Variants in TTC31 observed in about 807,000 individuals in gnomAD.
TTC31 encodes the protein tetratricopeptide repeat domain 31.
Under a neutral mutation model 60.4 loss-of-function variants are expected in TTC31, and 59 were observed. That is an observed-to-expected ratio of 0.98 (90% confidence interval 0.79 to 1.21). TTC31 has a LOEUF of 1.21. TTC31 is among the 50% of genes most tolerant of loss of function. The probability of loss-of-function intolerance (pLI) is 0.00; values close to 1 mark genes in which losing one functional copy is unlikely to be tolerated. For synonymous variants in TTC31, 225 were observed against 249.6 expected (o/e 0.90, Z 0.93); for missense variants, 672 against 646.9 (o/e 1.04, Z -0.42).
At chr2:74,483,243 G>C in intron 1 of TTC31, 79 bp from the exon 2 acceptor site, 1 of 1,613,152 alleles carries the variant, frequency 6.2e-7, no homozygotes, top group South Asian at 1.1e-5. Flanking sequence ...AGAGGGCGGA[G>C]AGTCGAGGGT....
Position 74,493,179 on chromosome 2 carries a change from C to A in TTC31, c.1521C>A (p.Ile507=). The change falls in exon 13 of 13, where the codon ATC becomes ATA. Residue 507 remains isoleucine (I), a synonymous_variant. Coordinates refer to ENST00000233623, the MANE Select transcript of TTC31 (RefSeq NM_022492.6). The stretch of plus-strand genomic sequence containing the variant: ...AGGACCCTTCAAAGGGCTGGGACAT[C>A]CTGGGACTTGGGCTCCAGCATCTGT... ...KPQDPSKGWD[I]LGLGLQHLSQ... 6.2e-7 allele frequency: 1 copy of A among 1,614,226 alleles called. No individual in the cohort carries two copies. Among genetic ancestry groups the A allele is most frequent in the Non-Finnish European group, 8.5e-7 (1 of 1,180,028 alleles).
rs1303520104 is a variant in TTC31, at chr2:74,490,572, C to T, written c.463-84C>T. The T allele has an allele frequency of 9.7e-6, 15 of 1,545,304 alleles. No homozygotes were observed. In the South Asian group the frequency reaches 1.5e-4, roughly 16 times the overall value. ...CCCCTAATTGGTACCTTTCAAGATC[C>T]TTCTATACTGCCTGCCCCCTTTCAT... On this transcript the variant is annotated intron_variant, in intron 4 of 12. Transcript: ENST00000233623.
At position 74,483,131 on chromosome 2, in the gene TTC31, G is replaced by A; in HGVS notation, c.36G>A (p.Lys12=). 6.2e-7 allele frequency: 1 copy of A among 1,614,248 alleles called. No individual in the cohort carries two copies. The highest frequency in any genetic ancestry group is 1.3e-5 in the African/African-American group (1 of 75,076). The change falls in exon 1 of 13, where the codon AAG becomes AAA. Residue 12 remains lysine (K), a synonymous_variant. Transcript: ENST00000233623. The part of the protein sequence containing the change: ...APIPKTVGRI[K]LDCSLRPSCP... ...TTCCAAAGACTGTGGGGCGGATCAAGCTAGGTGAGCGGTATGACAAGACCA... is the reference window on the plus strand; with the variant it reads ...TTCCAAAGACTGTGGGGCGGATCAAACTAGGTGAGCGGTATGACAAGACCA...
rs1207740817 is a variant in TTC31, at chr2:74,483,328, C to T, written c.47C>T (p.Ser16Phe). 3 of 1,614,188 alleles carry T rather than the reference C, an allele frequency of 1.9e-6. No individual in the cohort carries two copies. The highest frequency in any genetic ancestry group is 2.5e-6 in the Non-Finnish European group (3 of 1,180,050). The stretch of plus-strand genomic sequence containing the variant: ...CCGCCTTCCTTTCCTGTAGACTGCT[C>T]TCTACGGCCCAGCTGCCCACTGGAG... ...KTVGRIKLDCSLRPSCPLEVA... is the reference protein window; with the variant it reads ...KTVGRIKLDCFLRPSCPLEVA... Residue 16 changes from serine to phenylalanine, a missense_variant, in exon 2 of 13, where the codon TCT (serine) becomes TTT (phenylalanine). Physicochemically the swap from Ser to Phe is radical, Grantham distance 155 (BLOSUM62 -2). Transcript: ENST00000233623.
Position 74,493,324 on chromosome 2 carries a change from C to T in TTC31, c.*106C>T. 1 of 1,191,570 alleles carries T rather than the reference C, an allele frequency of 8.4e-7. No individual in the cohort carries two copies. 73.8% of individuals were successfully genotyped at this position (1,191,570 alleles called of 1,614,324 possible). A position where few individuals can be genotyped will look rare whatever the true frequency, so the allele number is the denominator to read the frequency against. ...ATTTTGAGACCTTATTCTCTAGATC[C>T]ATAGTTAATGATGCCCTGGCAGTCA... On this transcript the variant is annotated 3_prime_UTR_variant, in exon 13 of 13. Transcript: ENST00000233623.
chr2:74,488,890 C>T (rs58800227), intron 2 of TTC31, among the ~76,000 whole-genome samples: 2,138 of 152,238 alleles, frequency 0.014, 47 homozygotes, highest in African/African-American at 0.047. Context: ...ATGGTGAAAC[C>T]GCCTCTCTAC....
Position 74,493,144 on chromosome 2 carries a change from C to T in TTC31, c.1486C>T (p.Leu496Phe), listed in dbSNP as rs1466255076. ...SQTQSRRPHP[L>F]KPQDPSKGWD... The stretch of plus-strand genomic sequence containing the variant: ...GACTCAGAGTAGAAGGCCCCATCCT[C>T]TCAAGCCCCAGGACCCTTCAAAGGG... Residue 496 changes from leucine to phenylalanine, a missense_variant, in exon 13 of 13, where the codon CTC becomes TTC. Coordinates refer to ENST00000233623, the MANE Select transcript of TTC31 (RefSeq NM_022492.6). The T allele has an allele frequency of 6.2e-7, 1 of 1,614,092 alleles. No homozygotes were observed. The highest frequency in any genetic ancestry group is 1.3e-5 in the African/African-American group (1 of 74,942).
chr2:74,492,591 A>G (rs564058793), intron 11 of TTC31, 55 bp from the exon 12 acceptor site: 85 of 1,596,920 alleles, frequency 5.3e-5, no homozygotes, highest in Middle Eastern at 5.0e-4. Flanking sequence ...TAGAAAGGGT[A>G]CTTTTAAGCA....
At position 74,483,090 on chromosome 2, in the gene TTC31, G is replaced by T; in HGVS notation, c.-6G>T. On this transcript the variant is annotated 5_prime_UTR_variant, in exon 1 of 13. Transcript: ENST00000233623. ...TACCTTTCATTTCCGGGTCACTGTA[G>T]ATGCGATGGCGCCGATTCCAAAGAC... 1 of 1,614,226 alleles carries T rather than the reference G, an allele frequency of 6.2e-7. No homozygotes were observed.
intron 2 of TTC31, among the ~76,000 whole-genome samples, chr2:74,489,304 G>A (rs1296569562): frequency 1.3e-5 from 2 of 152,196 alleles, no homozygotes; most frequent in Non-Finnish European, 2.9e-5. Flanking sequence ...CAAGATGTGA[G>A]AAAGAAGCTC....
chr2:74,491,462 C>T lies in TTC31; in HGVS notation c.685-19C>T, dbSNP rs1298892553. 1 of 1,594,910 alleles carries T rather than the reference C, an allele frequency of 6.3e-7. No homozygotes were observed. The highest frequency in any genetic ancestry group is 1.3e-5 in the African/African-American group (1 of 74,196). Reference sequence around the variant, plus strand: ...TACTTCATCCCCACCCCCTCCCTAACTTTCCATTTTGTTCACAGGACTCAC... The same window carrying T: ...TACTTCATCCCCACCCCCTCCCTAATTTTCCATTTTGTTCACAGGACTCAC... On this transcript the variant is annotated intron_variant, in intron 7 of 12. Transcript: ENST00000233623.
intron 2 of TTC31, among the ~76,000 whole-genome samples, chr2:74,486,721 C>T (rs1427935919): frequency 1.3e-5 from 2 of 152,008 alleles, no homozygotes; most frequent in Non-Finnish European, 2.9e-5. Flanking sequence ...GAAGAAACCC[C>T]GTTTCTACTA....
In TTC31 at chr2:74,492,030, C is replaced by T. The variant is rs1269703790; in HGVS notation, c.903C>T (p.Ala301=). 1 of 1,614,236 alleles carries T rather than the reference C, an allele frequency of 6.2e-7. No homozygotes were observed. Among genetic ancestry groups the T allele is most frequent in the East Asian group, 2.2e-5 (1 of 44,888 alleles). ...CATCTCCGGGACTGCTGGCAGCTGCCTTACAACAGAGCCAGGAACTGGCAA... is the reference window on the plus strand; with the variant it reads ...CATCTCCGGGACTGCTGGCAGCTGCTTTACAACAGAGCCAGGAACTGGCAA... ...VQASPGLLAA[A]LQQSQELAKL... is the part of the protein sequence containing the mutation. The change falls in exon 9 of 13, where the codon GCC becomes GCT. Residue 301 remains alanine (A), a synonymous_variant. Transcript: ENST00000233623.
At position 74,490,316 on chromosome 2, in the gene TTC31, G is replaced by A; in HGVS notation, c.305G>A (p.Gly102Glu). 6.2e-7 allele frequency: 1 copy of A among 1,614,132 alleles called. No individual in the cohort carries two copies. The change falls in exon 4 of 13, where the codon GGA becomes GAA. Residue 102 changes from glycine (G) to glutamate (E), a missense_variant. By Grantham distance (98) the Gly-to-Glu change is moderately conservative. Transcript: ENST00000233623. ...AGTGACAGGGGCAAGGGGGCTGAGGGACTGGGCACCTACTGTGGTCTCCGC... is the reference window on the plus strand; with the variant it reads ...AGTGACAGGGGCAAGGGGGCTGAGGAACTGGGCACCTACTGTGGTCTCCGC... Reference protein sequence around the residue: ...GQSDRGKGAEGLGTYCGLRKS... With the variant: ...GQSDRGKGAEELGTYCGLRKS...
chr2:74,486,876 A>C lies in TTC31; in HGVS notation c.130-3149A>C, dbSNP rs535975399. 4.6e-5 allele frequency among the ~76,000 whole-genome samples: 7 copies of C among 151,580 alleles called. No individual in the cohort carries two copies. In the East Asian group the frequency reaches 1.2e-3, roughly 25 times the overall value. Reference sequence around the variant, plus strand: ...CCATTGCACTCCAGCCTGGGCAACAAGGGCGAAACTCCACCTCAAAAAAAA... The same window carrying C: ...CCATTGCACTCCAGCCTGGGCAACACGGGCGAAACTCCACCTCAAAAAAAA... On this transcript the variant is annotated intron_variant, in intron 2 of 12. Transcript: ENST00000233623.
chr2:74,494,487 C>T lies in TTC31; in HGVS notation c.*1269C>T, dbSNP rs143022891. ...TAAGGGATATTGTGAGGATGGAAAG[C>T]GAAAGTGTGAGAAAATACCTCCCAA... On this transcript the variant is annotated 3_prime_UTR_variant, in exon 13 of 13. Coordinates refer to ENST00000233623, the MANE Select transcript of TTC31 (RefSeq NM_022492.6). 4.3e-4 allele frequency: 65 copies of T among 152,216 alleles called. No homozygotes were observed. Among genetic ancestry groups the T allele is most frequent in the African/African-American group, 1.3e-3 (56 of 41,516 alleles). 9.4% of individuals were successfully genotyped at this position (152,216 alleles called of 1,614,324 possible). A position where few individuals can be genotyped will look rare whatever the true frequency, so the allele number is the denominator to read the frequency against.
Position 74,493,406 on chromosome 2 carries a change from A to G in TTC31, c.*188A>G. 1 of 611,898 alleles carries G rather than the reference A, an allele frequency of 1.6e-6. No homozygotes were observed. The highest frequency in any genetic ancestry group is 2.5e-5 in the South Asian group (1 of 39,960). The allele number at this position is 611,898 out of a possible 1,614,324, so 37.9% of individuals were successfully genotyped here. On this transcript the variant is annotated 3_prime_UTR_variant, in exon 13 of 13. Transcript: ENST00000233623. ...AGAAAGGAGCCCCACATCCACTGAA[A>G]CATCCTTTGGTTCTCAAGCTTCTTC... is the stretch of plus-strand genomic sequence containing the variant.
At chr2:74,487,091 G>A (rs1558580947) in intron 2 of TTC31, among the ~76,000 whole-genome samples, 1 of 152,182 alleles carries the variant, frequency 6.6e-6, no homozygotes, top group Non-Finnish European at 1.5e-5. Flanking sequence ...GCTGGAGGAG[G>A]GTAACAAGAT....
In TTC31 at chr2:74,492,983, C is replaced by G. The variant is rs1255724821; in HGVS notation, c.1325C>G (p.Pro442Arg). The G allele has an allele frequency of 1.9e-6, 3 of 1,613,952 alleles. No homozygotes were observed. Among genetic ancestry groups the G allele is most frequent in the Admixed American group, 1.7e-5 (1 of 59,992 alleles). Residue 442 changes from proline to arginine, a missense_variant, in exon 13 of 13, where the codon CCC becomes CGC. Physicochemically the swap from Pro to Arg is moderately radical, Grantham distance 103. Coordinates refer to ENST00000233623, the MANE Select transcript of TTC31 (RefSeq NM_022492.6). ...TCACCTGGGGCCCTCCAGCCACTTC[C>G]CCATGCTGAGCTGGCACCCTCAGGC... ...PLSPGALQPLPHAELAPSGLP... is the reference protein window; with the variant it reads ...PLSPGALQPLRHAELAPSGLP...
Sources: allele counts gnomAD v4.1 joint callset (sites outside exome capture counted in the v4.1 genomes callset), GRCh38; gene constraint gnomAD v4.1.1; transcripts MANE v1.5; gene names NCBI Gene and HGNC (gene_info 2026-07-23, HGNC 2026-07-21).